Variants in VPS54 observed in about 807,000 individuals in gnomAD.
VPS54 encodes VPS54 subunit of GARP complex, also known as vacuolar protein sorting-associated protein 54.
In VPS54, 45 loss-of-function variants were observed where a neutral mutation model predicts 121.5. The ratio of observed to expected loss-of-function variants is 0.37; its 90% CI spans 0.29 to 0.47. VPS54 has a LOEUF of 0.47. Among genes scored for constraint, VPS54 ranks in the 20% least tolerant of loss-of-function variants. VPS54 has a pLI of 0.99. For missense variants in VPS54, 1,090 were observed against 1,131.4 expected, an observed-to-expected ratio of 0.96 and a Z score of 0.52; for synonymous variants, 371 against 385.8, an observed-to-expected ratio of 0.96 and a Z score of 0.45.
At chr2:63,945,413 A>G (rs999494347) in intron 9 of VPS54, among the ~76,000 whole-genome samples, 2 of 152,136 alleles carry the variant, frequency 1.3e-5, no homozygotes, top group African/African-American at 4.8e-5. Flanking sequence ...GGGAGGAGAG[A>G]AATGACCAGA....
chr2:63,977,485 A>G (rs2104602548), intron 3 of VPS54, among the ~76,000 whole-genome samples: 2 of 152,298 alleles, frequency 1.3e-5, no homozygotes, highest in Middle Eastern at 6.8e-3. Flanking sequence ...TTCCCCTGCC[A>G]CTTCAAGTCT....
intron 11 of VPS54, among the ~76,000 whole-genome samples, chr2:63,940,549 T>C (rs1026964791): frequency 3.9e-5 from 6 of 152,168 alleles, no homozygotes; most frequent in Admixed American, 3.9e-4. Flanking sequence ...TAACTTTAAG[T>C]GAAACCACGT....
chr2:63,920,849 T>C (rs573814305), intron 13 of VPS54, among the ~76,000 whole-genome samples: 1 of 152,238 alleles, frequency 6.6e-6, no homozygotes, highest in African/African-American at 2.4e-5. Flanking sequence ...GGTCATACTA[T>C]AAAATTTTCA....
chr2:63,967,385 A>C (rs1032001107), intron 5 of VPS54, among the ~76,000 whole-genome samples: 2 of 152,098 alleles, frequency 1.3e-5, no homozygotes, highest in Admixed American at 6.6e-5. Context: ...AAGAGACCCC[A>C]ATCTCATGAA....
chr2:63,947,412 C>A lies in VPS54; in HGVS notation c.1216G>T (p.Val406Phe), dbSNP rs754528065. ...NFLEIYGEKM[V>F]ITAKNIIKQC... Reference sequence around the variant, plus strand: ...TTAATGATATTCTTTGCTGTAATAACCATTTTTTCACCATAGATTTCTAAA... The same window carrying A: ...TTAATGATATTCTTTGCTGTAATAAACATTTTTTCACCATAGATTTCTAAA... Residue 406 changes from valine (V) to phenylalanine (F), a missense_variant, in exon 9 of 23, where the codon GTT becomes TTT. This residue lies in a region of VPS54 where 801 missense variants were observed against 757.0 expected (regional missense o/e 1.06). Transcript: ENST00000272322. 30 of 1,559,414 alleles carry A rather than the reference C, an allele frequency of 1.9e-5. No homozygotes were observed. Among genetic ancestry groups the A allele is most frequent in the Middle Eastern group, 1.7e-4 (1 of 5,846 alleles).
At chr2:63,979,128 T>C (rs1000891451) in intron 3 of VPS54, among the ~76,000 whole-genome samples, 9 of 145,850 alleles carry the variant, frequency 6.2e-5, no homozygotes, top group East Asian at 1.9e-4. Context: ...CTAATCAGTA[T>C]GCCAAAGGCT....
chr2:64,013,638 A>G (rs1678540572), intron 1 of VPS54, among the ~76,000 whole-genome samples: 1 of 146,116 alleles, frequency 6.8e-6, no homozygotes, highest in African/African-American at 2.5e-5. Context: ...ATATAAATAT[A>G]TATCAATATA....
At chr2:63,948,917 T>C (rs1675113456) in intron 8 of VPS54, 120 bp downstream of exon 8, 2 of 1,232,280 alleles carry the variant, frequency 1.6e-6, no homozygotes, top group South Asian at 1.5e-5. Flanking sequence ...AAGGACTTCA[T>C]AGGTCTGATA....
chr2:63,898,794 A>C (rs533356982), intron 21 of VPS54, among the ~76,000 whole-genome samples: 1 of 151,170 alleles, frequency 6.6e-6, no homozygotes, highest in Admixed American at 6.6e-5. Flanking sequence ...AAAAAAAAAA[A>C]CAAAACTGGT....
At chr2:64,018,207 A>G (rs1576031986) in intron 1 of VPS54, among the ~76,000 whole-genome samples, 2 of 152,236 alleles carry the variant, frequency 1.3e-5, no homozygotes, top group East Asian at 3.8e-4. Context: ...ATTCTTCGAA[A>G]GAGCCTCAAT....
intron 6 of VPS54, among the ~76,000 whole-genome samples, chr2:63,963,551 A>C (rs1016441288): frequency 1.3e-5 from 2 of 152,156 alleles, no homozygotes; most frequent in African/African-American, 4.8e-5. Flanking sequence ...AGATTAGAAG[A>C]GACTATTTGG....
intron 5 of VPS54, among the ~76,000 whole-genome samples, chr2:63,968,364 T>C (rs894961172): frequency 6.8e-6 from 1 of 146,938 alleles, no homozygotes; most frequent in Non-Finnish European, 1.5e-5. Flanking sequence ...AAAAACACCA[T>C]AAATATACAT....
At chr2:64,008,029 A>G (rs1373466257) in intron 1 of VPS54, among the ~76,000 whole-genome samples, 1 of 152,148 alleles carries the variant, frequency 6.6e-6, no homozygotes, top group African/African-American at 2.4e-5. Context: ...AAAAAAAAGA[A>G]CAAGAGTTGA....
At chr2:63,921,390 C>A in intron 12 of VPS54, 55 bp from the exon 13 acceptor site, 1 of 1,556,096 alleles carries the variant, frequency 6.4e-7, no homozygotes, top group Non-Finnish European at 8.7e-7. Context: ...TAGTATTCTC[C>A]ACAGGTGACC....
At chr2:63,939,016 A>G (rs1410016486) in intron 11 of VPS54, among the ~76,000 whole-genome samples, 2 of 152,244 alleles carry the variant, frequency 1.3e-5, no homozygotes, top group African/African-American at 2.4e-5. Flanking sequence ...TGAAATTTAT[A>G]AATCCCAATA....
intron 16 of VPS54, 135 bp downstream of exon 16, chr2:63,916,765 G>T: frequency 1.3e-6 from 1 of 763,142 alleles, no homozygotes; most frequent in Non-Finnish European, 2.2e-6. Context: ...TTCTTTGCAG[G>T]ATTTAAAACA....
intron 3 of VPS54, among the ~76,000 whole-genome samples, chr2:63,978,785 A>C (rs1460551750): frequency 2.0e-5 from 3 of 151,886 alleles, no homozygotes; most frequent in Non-Finnish European, 4.4e-5. Context: ...ACACCCGGCT[A>C]ATTTTTGTAT....
chr2:63,912,319 G>A (rs745684723), intron 20 of VPS54, 26 bp downstream of exon 20: 1 of 1,547,746 alleles, frequency 6.5e-7, no homozygotes. Flanking sequence ...TTTGAACAAA[G>A]TCTAATAATT....
At position 63,934,004 on chromosome 2, in the gene VPS54, T is replaced by C. The variant is rs1674339944; in HGVS notation, c.1408A>G (p.Asn470Asp). The C allele has an allele frequency of 6.2e-7, 1 of 1,610,412 alleles. No homozygotes were observed. Among genetic ancestry groups the C allele is most frequent in the Non-Finnish European group, 8.5e-7 (1 of 1,177,940 alleles). Residue 470 changes from asparagine to aspartate, a missense_variant, in exon 12 of 23, where the codon AAT becomes GAT. Asn to Asp is a conservative substitution (Grantham distance 23, BLOSUM62 1). This residue lies in a region of VPS54 where 801 missense variants were observed against 757.0 expected (regional missense o/e 1.06). Coordinates refer to ENST00000272322, the MANE Select transcript of VPS54 (RefSeq NM_016516.3). ...GAGAGAACAACACTGTGAATGATAT[T>C]TAATGTTGCCTACAAGAAAATAGGA... ...IFLQRVKATL[N>D]IIHSVVLSVL...
Sources: gnomAD v4.1 joint callset for allele counts (sites outside exome capture counted in the v4.1 genomes callset) on GRCh38, gnomAD v4.1.1 for gene constraint, gnomAD v4.1.1 regional missense constraint, MANE v1.5 for transcripts, NCBI Gene and HGNC (gene_info 2026-07-23, HGNC 2026-07-21) for gene names.